Variants in AR observed in about 807,000 individuals in gnomAD.
The protein encoded by AR is androgen receptor.
In AR, 8 loss-of-function variants were observed where a neutral mutation model predicts 53.9. The observed-to-expected ratio is 0.15, with a 90% CI of 0.09 to 0.27. The LOEUF (loss-of-function observed/expected upper bound fraction) is 0.27. Ranked by LOEUF, AR falls within the 10% of genes least tolerant of loss-of-function variation. AR has a pLI of 1.00. For missense variants in AR, 639 were observed against 742.5 expected (o/e 0.86, Z 1.62); for synonymous variants, 359 against 316.4 (o/e 1.13, Z -1.43).
chrX:67,698,265 T>C (rs1182426758), intron 3 of AR, among the ~76,000 whole-genome samples: 2 of 112,501 alleles, frequency 1.8e-5, no homozygotes, highest in Non-Finnish European at 3.8e-5. Context: ...CCTAAAGTTA[T>C]ACAGTAAGGT....
chrX:67,679,973 C>T (rs1043432373), intron 2 of AR, among the ~76,000 whole-genome samples: 1 of 111,725 alleles, frequency 9.0e-6, no homozygotes, highest in African/African-American at 3.2e-5. Flanking sequence ...TTAAAATGAC[C>T]TTTTCTACCT....
At chrX:67,666,683 A>G (rs1327526948) in intron 2 of AR, among the ~76,000 whole-genome samples, 2 of 111,650 alleles carry the variant, frequency 1.8e-5, no homozygotes, top group Non-Finnish European at 3.8e-5. Context: ...CCAACAGTGT[A>G]TGAGGATACT....
At chrX:67,573,431 G>A (rs1004759656) in intron 1 of AR, among the ~76,000 whole-genome samples, 5 of 111,336 alleles carry the variant, frequency 4.5e-5, no homozygotes, top group Non-Finnish European at 9.4e-5. Context: ...TGAATGGCCC[G>A]TTAACGTTTA....
intron 1 of AR, among the ~76,000 whole-genome samples, chrX:67,570,391 G>T (rs779988447): frequency 8.9e-6 from 1 of 112,041 alleles, no homozygotes; most frequent in African/African-American, 3.2e-5. Context: ...CAGCTGCTAT[G>T]GTACTTAAAA....
Position 67,726,203 on chromosome X carries a change from A to C in AR, c.*2362A>C. ...ATATGCCAATCCAAGACTGCTGGAG[A>C]AAACTAAAGCTGACAGGTTCCCTTT... On this transcript the variant is annotated 3_prime_UTR_variant, in exon 8 of 8. Coordinates refer to ENST00000374690, the MANE Select transcript of AR (RefSeq NM_000044.6). 1 of 175,752 alleles carries C rather than the reference A, an allele frequency of 5.7e-6. No individual in the cohort carries two copies. The highest frequency in any genetic ancestry group is 8.1e-5 in the East Asian group (1 of 12,412). The allele number at this position is 175,752 out of a possible 1,213,427, so 14.5% of individuals were successfully genotyped here. A position where few individuals can be genotyped will look rare whatever the true frequency, so the allele number is the denominator to read the frequency against.
chrX:67,686,037 G>A lies in AR; in HGVS notation c.1796G>A (p.Arg599Lys). 8.3e-7 allele frequency: 1 copy of A among 1,210,383 alleles called. No individual in the cohort carries two copies. The highest frequency in any genetic ancestry group is 1.1e-6 in the Non-Finnish European group (1 of 894,190). ...AAACAGAAGTACCTGTGCGCCAGCAGAAATGATTGCACTATTGATAAATTC... is the reference window on the plus strand; with the variant it reads ...AAACAGAAGTACCTGTGCGCCAGCAAAAATGATTGCACTATTGATAAATTC... ...EGKQKYLCAS[R>K]NDCTIDKFRR... Residue 599 changes from arginine to lysine, a missense_variant, in exon 3 of 8, where the codon AGA becomes AAA. Arg to Lys is a conservative substitution (Grantham distance 26). Transcript: ENST00000374690.
chrX:67,651,480 G>A (rs1482784670), intron 2 of AR, among the ~76,000 whole-genome samples: 1 of 111,188 alleles, frequency 9.0e-6, no homozygotes, highest in Non-Finnish European at 1.9e-5. Context: ...TTCATCAACA[G>A]GTAGTAAATA....
At chrX:67,587,691 A>G (rs1045102123) in intron 1 of AR, among the ~76,000 whole-genome samples, 2 of 111,498 alleles carry the variant, frequency 1.8e-5, no homozygotes, top group Non-Finnish European at 1.9e-5. Context: ...TGGACTTTGA[A>G]ACTGGCTAGA....
intron 2 of AR, among the ~76,000 whole-genome samples, chrX:67,679,495 TC>T: frequency 8.9e-6 from 1 of 111,870 alleles, no homozygotes; most frequent in East Asian, 2.8e-4. Context: ...TGTATTATTT[TC>T]TTACAACACA....
At chrX:67,565,182 G>C (rs1044430497) in intron 1 of AR, among the ~76,000 whole-genome samples, 5 of 111,525 alleles carry the variant, frequency 4.5e-5, no homozygotes, top group Non-Finnish European at 9.4e-5. Flanking sequence ...TTCTAGGAAG[G>C]GAAATCACAA....
chrX:67,630,529 G>T lies in AR; in HGVS notation c.1617-12727G>T, dbSNP rs766504129. Among the ~76,000 whole-genome samples the T allele has an allele frequency of 2.7e-5, 3 of 110,705 alleles. No individual in the cohort carries two copies. The South Asian group carries it at 1.2e-3, about 43-fold the overall frequency. ...CCATCCTTTTATTTTGAGCCTATGT[G>T]TGTCTCTGCATATGAGATGGGTTTC... On this transcript the variant is annotated intron_variant, in intron 1 of 7. Transcript: ENST00000374690.
intron 1 of AR, among the ~76,000 whole-genome samples, chrX:67,628,197 G>C (rs1569287102): frequency 9.1e-6 from 1 of 110,037 alleles, no homozygotes. Flanking sequence ...GCTTGATGGG[G>C]ATGGCATTGA....
At chrX:67,702,214 C>T (rs1195028598) in intron 3 of AR, among the ~76,000 whole-genome samples, 1 of 111,415 alleles carries the variant, frequency 9.0e-6, no homozygotes, top group African/African-American at 3.3e-5. Context: ...AAGCGAGGCA[C>T]GCAGAAGGCC....
At chrX:67,597,201 C>T (rs1569278475) in intron 1 of AR, among the ~76,000 whole-genome samples, 1 of 112,067 alleles carries the variant, frequency 8.9e-6, no homozygotes, top group Non-Finnish European at 1.9e-5. Flanking sequence ...TCCTCTACTT[C>T]GTTGTTGTAG....
chrX:67,604,120 A>G (rs1478048322), intron 1 of AR, among the ~76,000 whole-genome samples: 1 of 110,239 alleles, frequency 9.1e-6, no homozygotes, highest in Non-Finnish European at 1.9e-5. Flanking sequence ...ACCCTTTTAT[A>G]CATGATGGTA....
chrX:67,633,781 A>G (rs1031446064), intron 1 of AR, among the ~76,000 whole-genome samples: 1 of 111,867 alleles, frequency 8.9e-6, no homozygotes, highest in Admixed American at 9.5e-5. Flanking sequence ...AACCTTGAAA[A>G]CATTATGCTA....
intron 1 of AR, among the ~76,000 whole-genome samples, chrX:67,604,131 C>T (rs1191420370): frequency 3.7e-5 from 4 of 109,294 alleles, no homozygotes; most frequent in African/African-American, 1.3e-4. Flanking sequence ...CATGATGGTA[C>T]AGGAACAACA....
At chrX:67,658,311 T>G (rs1388200115) in intron 2 of AR, among the ~76,000 whole-genome samples, 1 of 111,665 alleles carries the variant, frequency 9.0e-6, no homozygotes, top group Admixed American at 9.5e-5. Flanking sequence ...ATGAAAGCAT[T>G]GAGTATTTGT....
rs757917602 is a variant in AR at position 67,544,059 on chromosome X, G to C, written c.-1088G>C. 4 of 169,670 alleles carry C rather than the reference G, an allele frequency of 2.4e-5. No homozygotes were observed. In the South Asian group the frequency reaches 9.8e-4, roughly 42 times the overall value. 14.0% of individuals were successfully genotyped at this position (169,670 alleles called of 1,213,427 possible). A position where few individuals can be genotyped will look rare whatever the true frequency, so the allele number is the denominator to read the frequency against. On this transcript the variant is annotated 5_prime_UTR_variant, in exon 1 of 8. Transcript: ENST00000374690. ...AGATCCCGGGGAGCCAGCTTGCTGGGAGAGCGGGACGGTCCGGAGCAAGCC... is the reference window on the plus strand; with the variant it reads ...AGATCCCGGGGAGCCAGCTTGCTGGCAGAGCGGGACGGTCCGGAGCAAGCC...
Sources: allele counts gnomAD v4.1 joint callset (sites outside exome capture counted in the v4.1 genomes callset), GRCh38; gene constraint gnomAD v4.1.1; transcripts MANE v1.5; gene names NCBI Gene and HGNC (gene_info 2026-07-23, HGNC 2026-07-21).